ANXA8: variants seen among roughly 807,000 people sequenced by gnomAD.
The protein encoded by ANXA8 is annexin A8.
In ANXA8, 9 loss-of-function variants were observed where a neutral mutation model predicts 26.8. That is an observed-to-expected ratio of 0.34 (90% CI 0.20 to 0.59). ANXA8 has a LOEUF of 0.59. Ranked by LOEUF, ANXA8 falls within the 20% of genes least tolerant of loss-of-function variation. ANXA8 has a pLI of 0.84. For missense variants in ANXA8, 83 were observed against 238.5 expected, an observed-to-expected ratio of 0.35 and a Z score of 4.29; for synonymous variants, 39 against 94.8, an observed-to-expected ratio of 0.41 and a Z score of 3.42.
chr10:47,944,966 C>A, the ANXA8 span, among the ~76,000 whole-genome samples: 1 of 149,542 alleles, frequency 6.7e-6, no homozygotes, highest in South Asian at 2.1e-4. Context: ...ACTCTCTGCA[C>A]TCTCTCCTGC....
At chr10:47,599,573 A>G in the ANXA8 span, 1 of 144,250 alleles carries the variant, frequency 6.9e-6, no homozygotes, top group East Asian at 2.0e-4. Flanking sequence ...TACAAAAATT[A>G]CACATCAACG....
At chr10:47,686,504 T>G in the ANXA8 span, among the ~76,000 whole-genome samples, 2 of 151,908 alleles carry the variant, frequency 1.3e-5, no homozygotes, top group African/African-American at 4.8e-5. Context: ...GAGCCAAGGC[T>G]CCTGGCCTCC....
the ANXA8 span, among the ~76,000 whole-genome samples, chr10:47,680,301 G>C: frequency 6.6e-6 from 1 of 151,900 alleles, no homozygotes; most frequent in African/African-American, 2.4e-5. Flanking sequence ...TTCACTAACT[G>C]CTCTGATTGG....
the ANXA8 span, among the ~76,000 whole-genome samples, chr10:47,493,774 G>A: frequency 7.1e-6 from 1 of 140,512 alleles, no homozygotes; most frequent in African/African-American, 2.8e-5. Context: ...ATGAGACCCT[G>A]CCCTGCTAAT....
the ANXA8 span, among the ~76,000 whole-genome samples, chr10:47,653,215 G>A: frequency 6.7e-6 from 1 of 150,332 alleles, no homozygotes; most frequent in African/African-American, 2.5e-5. Flanking sequence ...AGGAGATTGA[G>A]GCAGGAGAAT....
the ANXA8 span, among the ~76,000 whole-genome samples, chr10:47,529,005 C>G: frequency 2.1e-5 from 3 of 141,968 alleles, no homozygotes; most frequent in Non-Finnish European, 4.6e-5. Flanking sequence ...TTGGATAATT[C>G]TTGTAGACTT....
chr10:47,943,882 C>A, the ANXA8 span, among the ~76,000 whole-genome samples: 1 of 147,794 alleles, frequency 6.8e-6, no homozygotes, highest in East Asian at 2.1e-4. Flanking sequence ...GGCAGTCTGG[C>A]AGGCTGCTCT....
At chr10:47,593,399 C>T in the ANXA8 span, among the ~76,000 whole-genome samples, 2 of 149,820 alleles carry the variant, frequency 1.3e-5, no homozygotes, top group Admixed American at 6.6e-5. Context: ...CTCCCCTCCC[C>T]AGTGCACTGT....
chr10:47,738,442 T>C, the ANXA8 span, among the ~76,000 whole-genome samples: 1 of 145,154 alleles, frequency 6.9e-6, no homozygotes, highest in African/African-American at 2.6e-5. Context: ...AATTTATGGA[T>C]CATTTGGACA....
chr10:47,694,958 G>C, the ANXA8 span, among the ~76,000 whole-genome samples: 3 of 151,740 alleles, frequency 2.0e-5, no homozygotes, highest in African/African-American at 7.3e-5. Flanking sequence ...TGAGAGGGTA[G>C]GAAGGAGCCA....
chr10:47,744,408 T>TGGGG, the ANXA8 span, among the ~76,000 whole-genome samples: 1 of 4,326 alleles, frequency 2.3e-4, no homozygotes, highest in African/African-American at 7.0e-4. Context: ...GGAAGGCTCC[T>TGGGG]GGTGGGGGGG....
chr10:47,703,351 T>C, the ANXA8 span, among the ~76,000 whole-genome samples: 1 of 151,654 alleles, frequency 6.6e-6, no homozygotes, highest in Non-Finnish European at 1.5e-5. Flanking sequence ...GTGGGTGGCT[T>C]GAGCCCAGGA....
chr10:47,666,708 T>A, the ANXA8 span, among the ~76,000 whole-genome samples: 1 of 151,332 alleles, frequency 6.6e-6, no homozygotes, highest in Non-Finnish European at 1.5e-5. Context: ...TACTTTTTAA[T>A]CTTAATTTTT....
the ANXA8 span, among the ~76,000 whole-genome samples, chr10:47,973,701 A>G: frequency 6.6e-6 from 1 of 150,944 alleles, no homozygotes; most frequent in African/African-American, 2.4e-5. Context: ...GAACTCACCC[A>G]GCCAGGCTGC....
chr10:47,958,155 A>G, the ANXA8 span, among the ~76,000 whole-genome samples: 1 of 150,174 alleles, frequency 6.7e-6, no homozygotes, highest in Non-Finnish European at 1.5e-5. Context: ...ATTCGCCTGC[A>G]TGGCCTCTGA....
the ANXA8 span, among the ~76,000 whole-genome samples, chr10:47,958,290 GCAA>G: frequency 6.7e-6 from 1 of 148,908 alleles, no homozygotes; most frequent in East Asian, 2.1e-4. Flanking sequence ...ACAAGCCTGG[GCAA>G]CATGGCAAAA....
Position 47,473,874 on chromosome 10 carries a change from C to A in ANXA8, c.742+96G>T, listed in dbSNP as rs1231822542. ...ATCCCGTGAAGGTGACACAGGGATT[C>A]TTTCTCTTGTGGTCGCATCCCTAGG... is the stretch of plus-strand genomic sequence containing the variant. On this transcript the variant is annotated intron_variant, in intron 9 of 11. Coordinates refer to ENST00000585281, the MANE Select transcript of ANXA8 (RefSeq NM_001040084.3). 6 of 289,936 alleles carry A rather than the reference C, an allele frequency of 2.1e-5. No homozygotes were observed. The African/African-American group carries it at 4.5e-4, about 22-fold the overall frequency. 18.0% of individuals were successfully genotyped at this position (289,936 alleles called of 1,614,324 possible). A position where few individuals can be genotyped will look rare whatever the true frequency, so the allele number is the denominator to read the frequency against.
chr10:47,625,981 A>T, the ANXA8 span, among the ~76,000 whole-genome samples: 2 of 150,430 alleles, frequency 1.3e-5, no homozygotes, highest in African/African-American at 2.5e-5. Flanking sequence ...AGTTGTTTTT[A>T]AGTGCCTGGC....
At chr10:47,778,403 G>A in the ANXA8 span, among the ~76,000 whole-genome samples, 2 of 148,424 alleles carry the variant, frequency 1.3e-5, no homozygotes, top group African/African-American at 5.0e-5. Flanking sequence ...CTCAACCTGA[G>A]ACCAGCGAAA....
Sources: allele counts gnomAD v4.1 joint callset (sites outside exome capture counted in the v4.1 genomes callset), GRCh38; gene constraint gnomAD v4.1.1; transcripts MANE v1.5; gene names NCBI Gene and HGNC (gene_info 2026-07-23, HGNC 2026-07-21).